The following MARCHF1 variants were observed in gnomAD, a reference collection of about 807,000 sequenced individuals.
The protein encoded by MARCHF1 is membrane associated ring-CH-type finger 1, also known as E3 ubiquitin-protein ligase MARCHF1.
In MARCHF1, 40 loss-of-function variants were observed where a neutral mutation model predicts 54.2. The observed-to-expected ratio is 0.74, with a 90% confidence interval of 0.57 to 0.96. The LOEUF is 0.96. Ranked by LOEUF, MARCHF1 falls within the 40% of genes least tolerant of loss-of-function variation. The pLI is 0.00. For synonymous variants in MARCHF1, 236 were observed against 236.3 expected, an observed-to-expected ratio of 1.00 and a Z score of 0.01; for missense variants, 586 against 656.5, an observed-to-expected ratio of 0.89 and a Z score of 1.17.
intron 8 of MARCHF1, among the ~76,000 whole-genome samples, chr4:163,561,391 T>C (rs998188118): frequency 3.9e-5 from 6 of 152,174 alleles, no homozygotes; most frequent in Admixed American, 6.5e-5. Flanking sequence ...TAGCAAAATA[T>C]TGTGCACATC....
At chr4:163,709,940 A>T (rs1425719094) in intron 4 of MARCHF1, among the ~76,000 whole-genome samples, 1 of 152,204 alleles carries the variant, frequency 6.6e-6, no homozygotes, top group African/African-American at 2.4e-5. Flanking sequence ...TTAAATTTAG[A>T]TGTGCTAGAA....
chr4:163,888,125 G>A (rs573116695), intron 3 of MARCHF1, among the ~76,000 whole-genome samples: 2 of 152,226 alleles, frequency 1.3e-5, no homozygotes, highest in South Asian at 2.1e-4. Context: ...CCCATGACAC[G>A]TGTATACCTA....
At chr4:164,273,692 CTAT>C (rs1326248054) in intron 1 of MARCHF1, among the ~76,000 whole-genome samples, 7 of 152,138 alleles carry the variant, frequency 4.6e-5, no homozygotes, top group African/African-American at 9.7e-5. Flanking sequence ...TTAAACAGAG[CTAT>C]TATTACAACT....
chr4:164,356,651 A>G (rs1273291024), intron 1 of MARCHF1, among the ~76,000 whole-genome samples: 1 of 143,582 alleles, frequency 7.0e-6, no homozygotes, highest in African/African-American at 2.5e-5. Flanking sequence ...ATTGGGAGAT[A>G]TACCTAAGGC....
intron 3 of MARCHF1, among the ~76,000 whole-genome samples, chr4:163,967,324 T>C (rs572858472): frequency 6.6e-6 from 1 of 152,048 alleles, no homozygotes; most frequent in Non-Finnish European, 1.5e-5. Flanking sequence ...GCAGTGGGAA[T>C]GAAGGGAAGG....
chr4:164,357,996 AGAGAAGTAAAGGC>A (rs1730611796), intron 1 of MARCHF1, among the ~76,000 whole-genome samples: 1 of 152,182 alleles, frequency 6.6e-6, no homozygotes, highest in Non-Finnish European at 1.5e-5. Context: ...GAGAAACATA[AGAGAAGTAAAGGC>A]TGTAGAAATT....
chr4:163,817,376 CATAT>C (rs1473102108), intron 4 of MARCHF1, among the ~76,000 whole-genome samples: 1 of 148,994 alleles, frequency 6.7e-6, no homozygotes, highest in Non-Finnish European at 1.5e-5. Flanking sequence ...CATATACATA[CATAT>C]ATACACATGC....
intron 2 of MARCHF1, among the ~76,000 whole-genome samples, chr4:164,069,690 C>G (rs972153196): frequency 6.6e-6 from 1 of 152,088 alleles, no homozygotes; most frequent in Non-Finnish European, 1.5e-5. Flanking sequence ...TAACACTCAC[C>G]GCGAGGGTCC....
At chr4:164,083,904 C>T (rs1410194410) in intron 2 of MARCHF1, among the ~76,000 whole-genome samples, 2 of 152,048 alleles carry the variant, frequency 1.3e-5, no homozygotes, top group Non-Finnish European at 2.9e-5. Context: ...TTCTTATTTT[C>T]ATTAGCCATA....
At chr4:163,735,582 G>A (rs13142980) in intron 4 of MARCHF1, among the ~76,000 whole-genome samples, 46,630 of 152,026 alleles carry the variant, frequency 0.31, 8,870 homozygotes, top group Non-Finnish European at 0.44. Context: ...TGTTTGCTAT[G>A]TCCTGACATG....
intron 2 of MARCHF1, among the ~76,000 whole-genome samples, chr4:164,006,965 A>T (rs895951490): frequency 7.8e-6 from 1 of 128,740 alleles, no homozygotes; most frequent in Non-Finnish European, 1.6e-5. Context: ...TCTTATAAGA[A>T]ATAATAGAGG....
intron 4 of MARCHF1, among the ~76,000 whole-genome samples, chr4:163,746,928 G>A (rs9308066): frequency 0.88 from 133,924 of 152,114 alleles, 59,079 homozygotes; most frequent in Non-Finnish European, 0.9. Flanking sequence ...GCGCAAATCC[G>A]GAGACGTAAG....
Position 164,189,320 on chromosome 4 carries a change from GAGA to G in MARCHF1, c.-322-77661_-322-77659del, listed in dbSNP as rs1731061342. 4 of 482,044 alleles carry G rather than the reference GAGA, an allele frequency of 8.3e-6. 1 individual carries two copies. The highest frequency in any genetic ancestry group is 6.0e-5 in the South Asian group (2 of 33,492). 29.9% of individuals were successfully genotyped at this position (482,044 alleles called of 1,614,324 possible). On this transcript the variant is annotated intron_variant, in intron 1 of 9. Transcript: ENST00000514618. Reference sequence around the variant, plus strand: ...ATTGAAATTGAGTCCTTCTATGAAGGAGAAGACTTTTCTGAGACCCTGACTCAG... The same window carrying G: ...ATTGAAATTGAGTCCTTCTATGAAGGAGACTTTTCTGAGACCCTGACTCAG...
intron 4 of MARCHF1, among the ~76,000 whole-genome samples, chr4:163,845,195 T>C (rs182232551): frequency 1.3e-5 from 2 of 152,270 alleles, no homozygotes; most frequent in Admixed American, 1.3e-4. Context: ...TATACATTTC[T>C]TTGAGAACTA....
At chr4:164,141,526 T>G (rs1756534309) in intron 1 of MARCHF1, among the ~76,000 whole-genome samples, 1 of 152,214 alleles carries the variant, frequency 6.6e-6, no homozygotes, top group Non-Finnish European at 1.5e-5. Flanking sequence ...TTTGGTCATA[T>G]TTTTATAACC....
chr4:163,800,093 A>G (rs1031505926), intron 4 of MARCHF1, among the ~76,000 whole-genome samples: 2 of 152,076 alleles, frequency 1.3e-5, no homozygotes, highest in African/African-American at 2.4e-5. Context: ...ATGAGTAATC[A>G]TGGACATAAA....
chr4:164,265,087 C>T (rs559274988), intron 1 of MARCHF1, among the ~76,000 whole-genome samples: 1 of 151,982 alleles, frequency 6.6e-6, no homozygotes, highest in Non-Finnish European at 1.5e-5. Flanking sequence ...ATTTTGTATG[C>T]AATGACAACA....
intron 4 of MARCHF1, among the ~76,000 whole-genome samples, chr4:163,766,081 A>G (rs1021742705): frequency 4.0e-5 from 6 of 151,866 alleles, no homozygotes; most frequent in Middle Eastern, 3.4e-3. Flanking sequence ...ATGCAAGCAT[A>G]ATAAAAGTCA....
intron 3 of MARCHF1, among the ~76,000 whole-genome samples, chr4:163,939,966 G>A (rs942614535): frequency 6.6e-6 from 1 of 152,150 alleles, no homozygotes; most frequent in Non-Finnish European, 1.5e-5. Context: ...TCCTCTAAAT[G>A]TGATGGTATT....
Sources: gnomAD v4.1 joint callset for allele counts (sites outside exome capture counted in the v4.1 genomes callset) on GRCh38, gnomAD v4.1.1 for gene constraint, MANE v1.5 for transcripts, NCBI Gene and HGNC (gene_info 2026-07-23, HGNC 2026-07-21) for gene names.